The following EGLN1 variants were observed in gnomAD, a reference collection of about 807,000 sequenced individuals.
The protein encoded by EGLN1 is egl-9 family hypoxia inducible factor 1, also known as egl nine homolog 1.
In EGLN1, 17 loss-of-function variants were observed where a neutral mutation model predicts 38.3. That is an observed-to-expected ratio of 0.44 (90% confidence interval 0.30 to 0.67). The LOEUF (loss-of-function observed/expected upper bound fraction) is 0.67, where lower values mean the gene tolerates loss of function less well. Ranked by LOEUF, EGLN1 falls within the 30% of genes least tolerant of loss-of-function variation. The pLI is 0.08. For synonymous variants in EGLN1, 283 were observed against 257.5 expected (o/e 1.10, Z -0.95); for missense variants, 477 against 603.3 (o/e 0.79, Z 2.19).
At chr1:231,374,268 A>G (rs1687901427) in intron 1 of EGLN1, among the ~76,000 whole-genome samples, 169 bp from the exon 2 acceptor site, 1 of 152,238 alleles carries the variant, frequency 6.6e-6, no homozygotes, top group Non-Finnish European at 1.5e-5. Flanking sequence ...ATTTATAGGG[A>G]ACACAAGATA....
chr1:231,410,290 G>A (rs1038128712), intron 1 of EGLN1, among the ~76,000 whole-genome samples: 1 of 151,948 alleles, frequency 6.6e-6, no homozygotes, highest in Non-Finnish European at 1.5e-5. Flanking sequence ...GAAGAAAGCT[G>A]TCATGTTAGG....
intron 1 of EGLN1, among the ~76,000 whole-genome samples, chr1:231,410,592 C>A (rs2486723): frequency 0.15 from 23,036 of 152,010 alleles, 2,149 homozygotes; most frequent in African/African-American, 0.25. Context: ...TAAATGACTA[C>A]TACAAACTAA....
intron 3 of EGLN1, among the ~76,000 whole-genome samples, chr1:231,369,373 C>T (rs1195277035): frequency 7.2e-5 from 11 of 152,058 alleles, no homozygotes; most frequent in Non-Finnish European, 1.3e-4. Flanking sequence ...CTAAAAAGGA[C>T]GTAACCAAAC....
At chr1:231,379,400 G>C (rs114642194) in intron 1 of EGLN1, among the ~76,000 whole-genome samples, 1 of 152,202 alleles carries the variant, frequency 6.6e-6, no homozygotes, top group African/African-American at 2.4e-5. Context: ...CATATTTGTG[G>C]TCATAAAACA....
chr1:231,406,834 C>T (rs930166488), intron 1 of EGLN1, among the ~76,000 whole-genome samples: 3 of 152,028 alleles, frequency 2.0e-5, no homozygotes, highest in Admixed American at 6.6e-5. Flanking sequence ...AGTTGTGAGA[C>T]GCTAGCTTAT....
At chr1:231,381,211 A>G (rs1351825020) in intron 1 of EGLN1, among the ~76,000 whole-genome samples, 6 of 152,074 alleles carry the variant, frequency 3.9e-5, no homozygotes, top group Admixed American at 3.3e-4. Context: ...CTGGCCCCCT[A>G]CTGATTTTTA....
At chr1:231,389,867 G>A (rs1209381214) in intron 1 of EGLN1, among the ~76,000 whole-genome samples, 2 of 152,210 alleles carry the variant, frequency 1.3e-5, no homozygotes, top group Admixed American at 1.3e-4. Flanking sequence ...AGGATCACTT[G>A]AACCCGGGAG....
At position 231,364,984 on chromosome 1, in the gene EGLN1, C is replaced by A. The variant is rs1687602458; in HGVS notation, c.*1427G>T. 1 of 152,140 alleles carries A rather than the reference C, an allele frequency of 6.6e-6. No homozygotes were observed. Among genetic ancestry groups the A allele is most frequent in the Non-Finnish European group, 1.5e-5 (1 of 68,024 alleles). The allele number at this position is 152,140 out of a possible 1,614,324, so 9.4% of individuals were successfully genotyped here. A position where few individuals can be genotyped will look rare whatever the true frequency, so the allele number is the denominator to read the frequency against. ...TGTTTAAAAAGTAAATAAGAAAACC[C>A]ATGAAACAAAATAAAATTATCTGAT... On this transcript the variant is annotated 3_prime_UTR_variant, in exon 5 of 5. Coordinates refer to ENST00000366641, the MANE Select transcript of EGLN1 (RefSeq NM_022051.3).
At chr1:231,397,453 G>C (rs1035885703) in intron 1 of EGLN1, among the ~76,000 whole-genome samples, 5 of 152,290 alleles carry the variant, frequency 3.3e-5, no homozygotes, top group Admixed American at 3.3e-4. Context: ...TAGCCTGCAG[G>C]CCAAATATGG....
At chr1:231,414,733 C>CTTTTT (rs71179779) in intron 1 of EGLN1, among the ~76,000 whole-genome samples, 10 of 129,502 alleles carry the variant, frequency 7.7e-5, no homozygotes, top group African/African-American at 1.2e-4. Flanking sequence ...AATCCCAGCA[C>CTTTTT]TTTTTTTTTT....
intron 3 of EGLN1, 50 bp from the exon 4 acceptor site, chr1:231,367,686 AGTG>A (rs760858212): frequency 1.3e-6 from 2 of 1,559,360 alleles, no homozygotes; most frequent in Non-Finnish European, 1.8e-6. Context: ...GCGGGGAAAA[AGTG>A]GTATTTTGCT....
chr1:231,402,459 G>GAGTCTC (rs1256516927), intron 1 of EGLN1, among the ~76,000 whole-genome samples: 2 of 148,840 alleles, frequency 1.3e-5, no homozygotes, highest in African/African-American at 5.0e-5. Context: ...TTTTGAGATG[G>GAGTCTC]AGTCTCACTC....
rs550549925 is a variant in EGLN1, at chr1:231,395,180, A to G, written c.892-21081T>C. On this transcript the variant is annotated intron_variant, in intron 1 of 4. Transcript: ENST00000366641. ...CAGCTGCTCCCTCCCCCAACATACAACATATCTGTCTCTTTTATTTTAAAA... is the reference window on the plus strand; with the variant it reads ...CAGCTGCTCCCTCCCCCAACATACAGCATATCTGTCTCTTTTATTTTAAAA... Among the ~76,000 whole-genome samples, 8 of 152,280 alleles carry G rather than the reference A, an allele frequency of 5.3e-5. No homozygotes were observed. In the East Asian group the frequency reaches 1.5e-3, roughly 29 times the overall value.
In EGLN1 at chr1:231,421,459, G is replaced by C. The variant is rs1280185729; in HGVS notation, c.430C>G (p.Pro144Ala). 10 of 1,472,156 alleles carry C rather than the reference G, an allele frequency of 6.8e-6. No homozygotes were observed. Among genetic ancestry groups the C allele is most frequent in the African/African-American group, 1.4e-5 (1 of 69,964 alleles). 91.2% of individuals were successfully genotyped at this position (1,472,156 alleles called of 1,614,324 possible). A position where few individuals can be genotyped will look rare whatever the true frequency, so the allele number is the denominator to read the frequency against. ...CGGGCCGGCGGCTCCTCCTTGCCGG[G>C]CTCGGCTTCGGCAGCCACCGCCGAG... ...QGSAVAAEAE[P>A]GKEEPPARSS... Residue 144 changes from proline (P) to alanine (A), a missense_variant, in exon 1 of 5, where the codon CCC (proline) becomes GCC (alanine). By Grantham distance (27) the Pro-to-Ala change is conservative. Around this residue, in one of 4 missense-constraint regions of EGLN1, gnomAD observed 298 missense variants for 288.9 expected, o/e 1.03. Transcript: ENST00000366641. The surrounding 1 kb of genome is among the most constrained non-coding windows in gnomAD (Gnocchi z 5.5).
At chr1:231,404,758 A>C (rs1688746638) in intron 1 of EGLN1, among the ~76,000 whole-genome samples, 1 of 152,238 alleles carries the variant, frequency 6.6e-6, no homozygotes. Context: ...TAAATAATTA[A>C]ATTCATGATT....
chr1:231,420,328 C>T (rs1180952885), intron 1 of EGLN1: 1 of 153,726 alleles, frequency 6.5e-6, no homozygotes, highest in Non-Finnish European at 1.4e-5. Flanking sequence ...TGTAGCCTAC[C>T]TACACTGAGA....
chr1:231,408,812 G>T (rs1245516081), intron 1 of EGLN1, among the ~76,000 whole-genome samples: 1 of 152,084 alleles, frequency 6.6e-6, no homozygotes, highest in East Asian at 1.9e-4. Flanking sequence ...TCTGCTTAGA[G>T]AAATGAGGGC....
chr1:231,413,808 C>T (rs112065149), intron 1 of EGLN1, among the ~76,000 whole-genome samples: 1 of 149,736 alleles, frequency 6.7e-6, no homozygotes, highest in Non-Finnish European at 1.5e-5. Flanking sequence ...AAAGAGTACA[C>T]GTATTTTGCT....
intron 1 of EGLN1, among the ~76,000 whole-genome samples, chr1:231,384,382 T>C (rs1036803446): frequency 2.1e-5 from 3 of 145,420 alleles, no homozygotes; most frequent in African/African-American, 5.0e-5. Context: ...ATATAAGAAA[T>C]GGCAGAAGAC....
Sources: allele counts gnomAD v4.1 joint callset (sites outside exome capture counted in the v4.1 genomes callset), GRCh38; gene constraint gnomAD v4.1.1; regional missense constraint gnomAD v4.1.1; non-coding constraint Gnocchi (gnomAD v3.1); transcripts MANE v1.5; gene names NCBI Gene and HGNC (gene_info 2026-07-23, HGNC 2026-07-21).